The following AP2A1 variants were observed in gnomAD, a reference collection of about 807,000 sequenced individuals.
AP2A1 encodes adaptor related protein complex 2 subunit alpha 1, also known as AP-2 complex subunit alpha-1.
Under a neutral mutation model 107.3 loss-of-function variants are expected in AP2A1, and 21 were observed. That is an observed-to-expected ratio of 0.20 (90% CI 0.14 to 0.28). The LOEUF (loss-of-function observed/expected upper bound fraction) is 0.28, where lower values mean the gene tolerates loss of function less well. Ranked by LOEUF, AP2A1 falls within the 10% of genes least tolerant of loss-of-function variation. The pLI is 1.00. For synonymous variants in AP2A1, 602 were observed against 564.8 expected (o/e 1.07, Z -0.93); for missense variants, 873 against 1,307.7 (o/e 0.67, Z 5.13).
chr19:49,791,837 C>T, intron 4 of AP2A1, 98 bp from the exon 5 acceptor site: 4 of 1,469,152 alleles, frequency 2.7e-6, no homozygotes, highest in Non-Finnish European at 3.6e-6. Flanking sequence ...TCTCGCTGGC[C>T]TCGCACACCC....
At chr19:49,800,289 G>A in intron 11 of AP2A1, 139 bp downstream of exon 11, 2 of 1,042,912 alleles carry the variant, frequency 1.9e-6, no homozygotes, top group Non-Finnish European at 2.7e-6. Flanking sequence ...TGGGGCCTCT[G>A]CCTCTCTGGG....
chr19:49,797,439 T>G (rs1253170023), intron 7 of AP2A1: 1 of 152,222 alleles, frequency 6.6e-6, no homozygotes, highest in East Asian at 1.9e-4. Context: ...AATATGTTGT[T>G]CTGGGCCAGG....
At chr19:49,802,404 T>G in intron 15 of AP2A1, 1 of 1,029,936 alleles carries the variant, frequency 9.7e-7, no homozygotes, top group Non-Finnish European at 1.5e-6. Context: ...CTGCTCTTCC[T>G]TTTCTCCTTC....
chr19:49,802,855 C>A, intron 15 of AP2A1, 94 bp from the exon 16 acceptor site: 1 of 1,416,062 alleles, frequency 7.1e-7, no homozygotes, highest in South Asian at 1.2e-5. Context: ...TTCTGGGGTT[C>A]TGTCCTTAGG....
chr19:49,785,992 A>G lies in AP2A1; in HGVS notation c.473+3268A>G, dbSNP rs2084732492. On this transcript the variant is annotated intron_variant, in intron 4 of 22. Transcript: ENST00000354293. This position sits in a 1 kb window ranked among gnomAD's most constrained non-coding sequence, Gnocchi z 4.1. ...CTACTCAGGAGGCTGAGGCAGGAGA[A>G]TCGCATAAACCCGGGGGGCAGAGGT... is the stretch of plus-strand genomic sequence containing the variant. Among the ~76,000 whole-genome samples, 1 of 152,130 alleles carries G rather than the reference A, an allele frequency of 6.6e-6. No individual in the cohort carries two copies. Among genetic ancestry groups the G allele is most frequent in the African/African-American group, 2.4e-5 (1 of 41,424 alleles).
intron 1 of AP2A1, among the ~76,000 whole-genome samples, chr19:49,772,995 G>T (rs2084580592): frequency 6.6e-6 from 1 of 151,902 alleles, no homozygotes; most frequent in Non-Finnish European, 1.5e-5. Context: ...GGGATGCGGA[G>T]GAGGAGGTGG....
At chr19:49,803,623 T>A in intron 18 of AP2A1, 1 of 532,886 alleles carries the variant, frequency 1.9e-6, no homozygotes, top group Non-Finnish European at 3.4e-6. Flanking sequence ...GGCCTCATTT[T>A]GTCCCTGTCT....
chr19:49,775,789 G>C (rs2084611691), intron 1 of AP2A1, among the ~76,000 whole-genome samples: 1 of 152,208 alleles, frequency 6.6e-6, no homozygotes, highest in South Asian at 2.1e-4. Context: ...AAATGTCCTT[G>C]GTCTAGAAGG....
chr19:49,805,801 G>A (rs776629154), intron 20 of AP2A1, 24 bp downstream of exon 20: 5 of 755,208 alleles, frequency 6.6e-6, no homozygotes, highest in Admixed American at 6.0e-5. Flanking sequence ...AGGGGGCGGA[G>A]CCAAAGCCGC....
intron 8 of AP2A1, 73 bp from the exon 9 acceptor site, chr19:49,799,254 G>A: frequency 1.3e-6 from 2 of 1,520,102 alleles, no homozygotes; most frequent in Non-Finnish European, 1.8e-6. Flanking sequence ...AGATGGGTCA[G>A]CTGGGGCCCG....
At position 49,793,186 on chromosome 19, in the gene AP2A1, C is replaced by T. The variant is rs114685663; in HGVS notation, c.705+94C>T. The T allele has an allele frequency of 1.1e-3, 1,329 of 1,187,594 alleles. 8 individuals carry two copies. In the African/African-American group the frequency reaches 0.015, roughly 14 times the overall value. The allele number at this position is 1,187,594 out of a possible 1,614,324, so 73.6% of individuals were successfully genotyped here. On this transcript the variant is annotated intron_variant, in intron 6 of 22. Coordinates refer to ENST00000354293, the MANE Select transcript of AP2A1 (RefSeq NM_130787.3). ...GGCCCCCACTCTCCCTGAGAGGCAG[C>T]CCAGCCCAAGGTTTACAAACTCAGG...
intron 1 of AP2A1, among the ~76,000 whole-genome samples, chr19:49,771,236 G>A (rs545346051): frequency 6.7e-6 from 1 of 149,446 alleles, no homozygotes; most frequent in East Asian, 2.0e-4. Context: ...GGGAGACTGA[G>A]GTAGGAGGAT....
intron 8 of AP2A1, 92 bp downstream of exon 8, chr19:49,799,044 G>A (rs2073244938): frequency 9.4e-6 from 14 of 1,483,954 alleles, no homozygotes; most frequent in Non-Finnish European, 1.3e-5. Context: ...AGAGGGCAGG[G>A]AATCTTGACT....
chr19:49,787,598 C>T (rs1367119123), intron 4 of AP2A1, among the ~76,000 whole-genome samples: 1 of 151,748 alleles, frequency 6.6e-6, no homozygotes, highest in Non-Finnish European at 1.5e-5. Flanking sequence ...ATCCATCTGC[C>T]TCAGCCTCCC....
In AP2A1 at chr19:49,806,206, C is replaced by T. The variant is rs1167868405; in HGVS notation, c.2743C>T (p.Leu915=). The T allele has an allele frequency of 3.1e-6, 5 of 1,604,678 alleles. No individual in the cohort carries two copies. Among genetic ancestry groups the T allele is most frequent in the Non-Finnish European group, 4.3e-6 (5 of 1,175,978 alleles). ...GGCGGGGATCATCCAGACTAAAGCC[C>T]TGCAGGTGGGCTGTCTGCTTCGGCT... ...VGAGIIQTKA[L]QVGCLLRLEP... is the part of the protein sequence containing the mutation. The change falls in exon 22 of 23, where the codon CTG becomes TTG. Residue 915 remains leucine (L), a synonymous_variant. Transcript: ENST00000354293.
intron 4 of AP2A1, 158 bp from the exon 5 acceptor site, chr19:49,791,777 C>A: frequency 2.4e-6 from 2 of 835,766 alleles, no homozygotes; most frequent in Non-Finnish European, 3.7e-6. Flanking sequence ...CCTGGTGGGC[C>A]GTGAGGTCAG....
rs756882809 is a variant in AP2A1 at position 49,782,520 on chromosome 19, C to T, written c.280-11C>T. ...AAGGCTCCTAGCCATCCACGACCTC[C>T]CTCCCCACAGGGTTACCTGTTCATT... On this transcript the variant is annotated splice_polypyrimidine_tract_variant and intron_variant, in intron 3 of 22. Transcript: ENST00000354293. The T allele has an allele frequency of 1.9e-6, 3 of 1,611,886 alleles. No individual in the cohort carries two copies. Among genetic ancestry groups the T allele is most frequent in the Non-Finnish European group, 2.5e-6 (3 of 1,178,674 alleles).
In AP2A1 at chr19:49,802,995, T is replaced by C. The variant is rs763479984; in HGVS notation, c.2161T>C (p.Leu721=). 1 of 1,613,594 alleles carries C rather than the reference T, an allele frequency of 6.2e-7. No individual in the cohort carries two copies. Among genetic ancestry groups the C allele is most frequent in the Non-Finnish European group, 8.5e-7 (1 of 1,179,746 alleles). ...CCCTCCCATTCCGGAAGCCGATGAGTTGCTGAATAAGTGAGTCCTGGGAGT... is the reference window on the plus strand; with the variant it reads ...CCCTCCCATTCCGGAAGCCGATGAGCTGCTGAATAAGTGAGTCCTGGGAGT... ...IGPPIPEADE[L]LNKFVCKNNG... Residue 721 remains leucine (L), a synonymous_variant, in exon 16 of 23, where the codon TTG becomes CTG. Transcript: ENST00000354293.
At chr19:49,802,172 G>A (rs1278836444) in intron 15 of AP2A1, 31 bp downstream of exon 15, 3 of 1,520,258 alleles carry the variant, frequency 2.0e-6, no homozygotes, top group South Asian at 1.2e-5. Context: ...GCCCCTTCTC[G>A]CGGCCACCCC....
Sources: gnomAD v4.1 joint callset for allele counts (sites outside exome capture counted in the v4.1 genomes callset) on GRCh38, gnomAD v4.1.1 for gene constraint, Gnocchi (gnomAD v3.1) non-coding constraint, MANE v1.5 for transcripts, NCBI Gene and HGNC (gene_info 2026-07-23, HGNC 2026-07-21) for gene names.